Variants in DPYD observed in about 807,000 individuals in gnomAD.
DPYD encodes the protein dihydropyrimidine dehydrogenase [NADP(+)].
DPYD carries 109 observed loss-of-function variants against 116.2 expected under a neutral mutation model. The observed-to-expected ratio is 0.94, with a 90% CI of 0.80 to 1.10. The LOEUF is 1.10. DPYD is among the 50% of genes least tolerant of loss of function. The probability of loss-of-function intolerance (pLI) is 0.00; values close to 1 mark genes in which losing one functional copy is unlikely to be tolerated. For synonymous variants in DPYD, 440 were observed against 432.0 expected (o/e 1.02, Z -0.23); for missense variants, 1,302 against 1,254.5 (o/e 1.04, Z -0.57).
chr1:97,689,349 T>G (rs1197311718), intron 7 of DPYD, among the ~76,000 whole-genome samples: 3 of 151,996 alleles, frequency 2.0e-5, no homozygotes, highest in African/African-American at 7.2e-5. Flanking sequence ...ATACGCTTAT[T>G]AAACTACTAA....
intron 19 of DPYD, among the ~76,000 whole-genome samples, chr1:97,228,895 T>A (rs1356595929): frequency 6.6e-6 from 1 of 151,966 alleles, no homozygotes; most frequent in Non-Finnish European, 1.5e-5. Flanking sequence ...TCGAACTAAC[T>A]GCAAGAAAGA....
chr1:97,518,632 A>T (rs572896945), intron 12 of DPYD, among the ~76,000 whole-genome samples: 3 of 151,976 alleles, frequency 2.0e-5, no homozygotes, highest in Non-Finnish European at 4.4e-5. Flanking sequence ...CTTTTATCTC[A>T]TCATATTCCC....
intron 17 of DPYD, among the ~76,000 whole-genome samples, 165 bp downstream of exon 17, chr1:97,306,012 G>C (rs1667138207): frequency 1.3e-5 from 2 of 151,858 alleles, no homozygotes; most frequent in African/African-American, 2.4e-5. Context: ...CATGAGTCCA[G>C]GTGTAAATCT....
intron 10 of DPYD, among the ~76,000 whole-genome samples, chr1:97,583,650 C>CTTTTTT (rs375866957): frequency 7.5e-6 from 1 of 132,532 alleles, no homozygotes; most frequent in Non-Finnish European, 1.6e-5. Context: ...CTCGTATTTC[C>CTTTTTT]TTTTTTTTTT....
chr1:97,174,466 A>C (rs1483305373), intron 20 of DPYD, among the ~76,000 whole-genome samples: 3 of 152,160 alleles, frequency 2.0e-5, no homozygotes, highest in East Asian at 3.9e-4. Flanking sequence ...AAGTCTTCCA[A>C]CTCCACACCC....
chr1:97,725,723 T>C (rs1277699254), intron 4 of DPYD, among the ~76,000 whole-genome samples: 1 of 151,704 alleles, frequency 6.6e-6, no homozygotes, highest in African/African-American at 2.4e-5. Flanking sequence ...TGAATGATGC[T>C]GGAATATCTG....
intron 12 of DPYD, among the ~76,000 whole-genome samples, chr1:97,531,595 T>A (rs1027680894): frequency 1.3e-5 from 2 of 152,152 alleles, no homozygotes; most frequent in Non-Finnish European, 2.9e-5. Flanking sequence ...TATTTAAAAT[T>A]GTTTTTGTTA....
At chr1:97,680,970 T>G (rs1660398887) in intron 7 of DPYD, among the ~76,000 whole-genome samples, 1 of 152,084 alleles carries the variant, frequency 6.6e-6, no homozygotes, top group African/African-American at 2.4e-5. Flanking sequence ...AAAATGTTCC[T>G]AAAAACAAAG....
rs116041194 is a variant in DPYD at position 97,754,954 on chromosome 1, C to T, written c.234-14475G>A. Among the ~76,000 whole-genome samples, 285 of 152,170 alleles carry T rather than the reference C, an allele frequency of 1.9e-3. 1 individual carries two copies. Among genetic ancestry groups the T allele is most frequent in the Non-Finnish European group, 1.5e-3 (103 of 67,998 alleles). On this transcript the variant is annotated intron_variant, in intron 3 of 22. Coordinates refer to ENST00000370192, the MANE Select transcript of DPYD (RefSeq NM_000110.4). The stretch of plus-strand genomic sequence containing the variant: ...GAGGTATTTATTTGTTTCTTCGGGA[C>T]GAATAAGAGGGAGAGAGAGTCTTGT...
chr1:97,130,564 C>T (rs1653200264), intron 20 of DPYD, among the ~76,000 whole-genome samples: 1 of 152,146 alleles, frequency 6.6e-6, no homozygotes, highest in Admixed American at 6.6e-5. Flanking sequence ...TTATGACTTA[C>T]ATACACATAG....
Position 97,206,638 on chromosome 1 carries a change from TTATATATATATATATATATATATA to T in DPYD, c.2443-13414_2443-13391del, listed in dbSNP as rs57893705. 5.7e-3 allele frequency among the ~76,000 whole-genome samples: 277 copies of T among 48,996 alleles called. 6 individuals carry two copies. The highest frequency in any genetic ancestry group is 0.01 in the African/African-American group (235 of 23,174). 32.1% of individuals were successfully genotyped at this position (48,996 alleles called of 152,430 possible). On this transcript the variant is annotated intron_variant, in intron 19 of 22. Transcript: ENST00000370192. ...GCTTTCATGTGAAAACAGGGAGATT[TTATATATATATATATATATATATA>T]TATATATATATATATATATATATAT...
intron 4 of DPYD, among the ~76,000 whole-genome samples, chr1:97,730,042 T>G (rs1557914931): frequency 6.6e-6 from 1 of 152,190 alleles, no homozygotes; most frequent in Non-Finnish European, 1.5e-5. Context: ...AGAAAGCACT[T>G]TGTACAACAG....
intron 14 of DPYD, among the ~76,000 whole-genome samples, chr1:97,407,277 G>C (rs757399358): frequency 7.9e-5 from 12 of 152,014 alleles, no homozygotes; most frequent in African/African-American, 2.4e-5. Flanking sequence ...TAAGCACATG[G>C]GTGTTGTAAA....
chr1:97,278,248 T>C (rs1373805309), intron 18 of DPYD, among the ~76,000 whole-genome samples: 1 of 152,228 alleles, frequency 6.6e-6, no homozygotes, highest in Non-Finnish European at 1.5e-5. Flanking sequence ...AAAGTTTGCC[T>C]ACTCAGGGGC....
At chr1:97,495,594 G>C (rs1679216090) in intron 13 of DPYD, among the ~76,000 whole-genome samples, 1 of 151,968 alleles carries the variant, frequency 6.6e-6, no homozygotes, top group Admixed American at 6.6e-5. Flanking sequence ...CTGTAAGACA[G>C]TTTGTTAACA....
intron 18 of DPYD, among the ~76,000 whole-genome samples, chr1:97,292,201 A>G (rs914100545): frequency 5.3e-5 from 8 of 152,188 alleles, no homozygotes; most frequent in African/African-American, 1.9e-4. Context: ...TAAAGACTTC[A>G]GTGACCTCTG....
intron 16 of DPYD, among the ~76,000 whole-genome samples, chr1:97,309,277 T>C (rs72726689): frequency 0.18 from 27,685 of 151,694 alleles, 3,227 homozygotes; most frequent in Non-Finnish European, 0.27. Flanking sequence ...TCTAAAGGCA[T>C]TAATGCTTCT....
At chr1:97,403,367 T>C (rs1390074649) in intron 14 of DPYD, among the ~76,000 whole-genome samples, 1 of 152,112 alleles carries the variant, frequency 6.6e-6, no homozygotes, top group East Asian at 1.9e-4. Flanking sequence ...GTATTCCCTC[T>C]GTTCCTGAAA....
At chr1:97,284,087 A>T (rs566500859) in intron 18 of DPYD, among the ~76,000 whole-genome samples, 2 of 152,234 alleles carry the variant, frequency 1.3e-5, no homozygotes, top group Non-Finnish European at 2.9e-5. Context: ...AACTCTTCAC[A>T]TTTCCTAGGT....
Sources: gnomAD v4.1 joint callset for allele counts (sites outside exome capture counted in the v4.1 genomes callset) on GRCh38, gnomAD v4.1.1 for gene constraint, MANE v1.5 for transcripts, NCBI Gene and HGNC (gene_info 2026-07-23, HGNC 2026-07-21) for gene names.